The following SRSF4 variants were observed in gnomAD, a reference collection of about 807,000 sequenced individuals.
SRSF4 encodes the protein serine/arginine-rich splicing factor 4.
Under a neutral mutation model 48.8 loss-of-function variants are expected in SRSF4, and 12 were observed. That is an observed-to-expected ratio of 0.25 (90% confidence interval 0.16 to 0.40). The LOEUF (loss-of-function observed/expected upper bound fraction) is 0.40, where lower values mean the gene tolerates loss of function less well. Ranked by LOEUF, SRSF4 falls within the 10% of genes least tolerant of loss-of-function variation. The pLI, the probability that SRSF4 is intolerant of heterozygous loss-of-function variation, is 1.00. For missense variants in SRSF4, 466 were observed against 667.1 expected, an observed-to-expected ratio of 0.70 and a Z score of 3.32; for synonymous variants, 248 against 232.5, an observed-to-expected ratio of 1.07 and a Z score of -0.61.
intron 1 of SRSF4, among the ~76,000 whole-genome samples, chr1:29,167,837 A>AT (rs1163728057): frequency 6.6e-6 from 1 of 152,176 alleles, no homozygotes; most frequent in Non-Finnish European, 1.5e-5. Context: ...TATTTCATCC[A>AT]TTTGTATATC....
At chr1:29,171,840 C>G (rs1024634864) in intron 1 of SRSF4, 1 of 152,040 alleles carries the variant, frequency 6.6e-6, no homozygotes, top group Non-Finnish European at 1.5e-5. Context: ...TCATACAGTA[C>G]CTCAATGAGA....
chr1:29,172,256 T>C (rs1275668245), intron 1 of SRSF4: 2 of 152,126 alleles, frequency 1.3e-5, no homozygotes, highest in African/African-American at 4.8e-5. Flanking sequence ...CAAGAAAAAC[T>C]TCCTGATTAT....
chr1:29,148,420 G>A lies in SRSF4; in HGVS notation c.1475C>T (p.Ser492Leu). The change falls in exon 6 of 6, where the codon TCA becomes TTA. Residue 492 changes from serine (S) to leucine (L), a missense_variant. Physicochemically the swap from Ser to Leu is moderately radical, Grantham distance 145. Coordinates refer to ENST00000373795, the MANE Select transcript of SRSF4 (RefSeq NM_005626.5). The part of the protein sequence containing the change: ...SPSRSRSRSH[S>L]RS ...TGTGGCCATAGCCAGTTAGGACCTT[G>A]AGTGGGACCTAGATCTAGATCGGGA... 6.3e-7 allele frequency: 1 copy of A among 1,598,248 alleles called. No individual in the cohort carries two copies. The highest frequency in any genetic ancestry group is 8.5e-7 in the Non-Finnish European group (1 of 1,171,408).
chr1:29,152,021 T>C (rs1315425397), intron 4 of SRSF4, among the ~76,000 whole-genome samples: 6 of 152,306 alleles, frequency 3.9e-5, no homozygotes, highest in Admixed American at 2.6e-4. Context: ...CTCACGTCTG[T>C]AATCTCAGCA....
At position 29,149,076 on chromosome 1, in the gene SRSF4, A is replaced by C. The variant is rs199642719; in HGVS notation, c.819T>G (p.Ala273=). The C allele has an allele frequency of 6.2e-7, 1 of 1,609,402 alleles. No individual in the cohort carries two copies. Among genetic ancestry groups the C allele is most frequent in the African/African-American group, 1.4e-5 (1 of 73,054 alleles). Residue 273 remains alanine, a synonymous_variant, in exon 6 of 6, where the codon GCT becomes GCG. Transcript: ENST00000373795. The stretch of plus-strand genomic sequence containing the variant: ...TGTCATTGTTTTGGATCTTCTCTTC[A>C]GCTTGGTCTTTGCTCTTGCTGCGGC... ...GKSRSKSKDQ[A]EEKIQNNDNV... is the part of the protein sequence containing the mutation.
intron 4 of SRSF4, among the ~76,000 whole-genome samples, chr1:29,153,999 C>G (rs972402158): frequency 2.6e-5 from 4 of 151,886 alleles, no homozygotes; most frequent in African/African-American, 9.7e-5. Context: ...TGGGTTCAAG[C>G]GATTCCCATG....
chr1:29,177,231 T>C (rs1672882905), intron 1 of SRSF4, among the ~76,000 whole-genome samples: 1 of 151,830 alleles, frequency 6.6e-6, no homozygotes, highest in African/African-American at 2.4e-5. Context: ...TGTTGCTTCC[T>C]TGACGTGCAT....
intron 1 of SRSF4, among the ~76,000 whole-genome samples, chr1:29,175,694 CAAAAAAAA>C (rs60942124): frequency 2.6e-5 from 1 of 38,604 alleles, no homozygotes; most frequent in Non-Finnish European, 4.1e-5. Flanking sequence ...GACGCTGTCT[CAAAAAAAA>C]AAAAAAAAAA....
Position 29,162,234 on chromosome 1 carries a change from T to C in SRSF4, c.108-1717A>G, listed in dbSNP as rs375491197. ...AGTTTCACGCTTCCATAGGCTAGAA[T>C]TGCTGAGCAGCTTAATAAGAAGGAT... On this transcript the variant is annotated intron_variant, in intron 1 of 5. Transcript: ENST00000373795. Among the ~76,000 whole-genome samples the C allele has an allele frequency of 8.5e-5, 13 of 152,202 alleles. No homozygotes were observed. The East Asian group carries it at 9.6e-4, about 11-fold the overall frequency.
At chr1:29,181,446 T>G (rs1426892613) in intron 1 of SRSF4, among the ~76,000 whole-genome samples, 200 bp downstream of exon 1, 1 of 152,136 alleles carries the variant, frequency 6.6e-6, no homozygotes, top group East Asian at 1.9e-4. Flanking sequence ...GCTCCCATTA[T>G]GCCTCCACCA....
intron 1 of SRSF4, among the ~76,000 whole-genome samples, chr1:29,176,648 T>A (rs1399735276): frequency 6.6e-6 from 1 of 151,862 alleles, no homozygotes; most frequent in Non-Finnish European, 1.5e-5. Flanking sequence ...GTAATTCTTC[T>A]CAGTATCTAA....
intron 1 of SRSF4, among the ~76,000 whole-genome samples, chr1:29,175,823 T>C (rs537462837): frequency 1.9e-4 from 29 of 151,998 alleles, no homozygotes; most frequent in African/African-American, 7.0e-4. Flanking sequence ...TAAACAAAAC[T>C]TGTTTTAACC....
chr1:29,174,956 GCCA>G (rs1672814392), intron 1 of SRSF4, among the ~76,000 whole-genome samples: 1 of 148,884 alleles, frequency 6.7e-6, no homozygotes, highest in Admixed American at 6.7e-5. Context: ...ATAGGCGTGA[GCCA>G]CCACAACTGG....
intron 2 of SRSF4, 67 bp downstream of exon 2, chr1:29,160,308 T>C (rs934748068): frequency 6.7e-7 from 1 of 1,494,452 alleles, no homozygotes. Flanking sequence ...TATCAATTAA[T>C]TACTTTAAAA....
chr1:29,167,227 C>T (rs1424016801), intron 1 of SRSF4, among the ~76,000 whole-genome samples: 1 of 152,124 alleles, frequency 6.6e-6, no homozygotes, highest in Non-Finnish European at 1.5e-5. Context: ...CTTTATGTCA[C>T]TCTCTAAACC....
At chr1:29,176,868 G>A (rs1227477067) in intron 1 of SRSF4, among the ~76,000 whole-genome samples, 2 of 152,146 alleles carry the variant, frequency 1.3e-5, no homozygotes, top group Non-Finnish European at 1.5e-5. Context: ...TCCATGAAAC[G>A]CAGGTTCTGA....
chr1:29,164,348 G>T (rs1253397412), intron 1 of SRSF4, among the ~76,000 whole-genome samples: 1 of 152,132 alleles, frequency 6.6e-6, no homozygotes, highest in Non-Finnish European at 1.5e-5. Flanking sequence ...GCTCTTCCTG[G>T]TAACTAACAC....
chr1:29,173,485 G>C (rs1245751441), intron 1 of SRSF4: 1 of 58,696 alleles, frequency 1.7e-5, no homozygotes, highest in African/African-American at 7.5e-5. Context: ...TTTTTTTTTT[G>C]AGATGGAGTC....
At chr1:29,167,784 C>CTATT (rs1338552993) in intron 1 of SRSF4, among the ~76,000 whole-genome samples, 1 of 152,192 alleles carries the variant, frequency 6.6e-6, no homozygotes, top group African/African-American at 2.4e-5. Context: ...TATCTGTTGG[C>CTATT]TATTTAGCAC....
Sources: gnomAD v4.1 joint callset for allele counts (sites outside exome capture counted in the v4.1 genomes callset) on GRCh38, gnomAD v4.1.1 for gene constraint, MANE v1.5 for transcripts, NCBI Gene and HGNC (gene_info 2026-07-23, HGNC 2026-07-21) for gene names.